The following STYXL1 variants were observed in gnomAD, a reference collection of about 807,000 sequenced individuals.
The protein encoded by STYXL1 is serine/threonine/tyrosine interacting like 1, also known as serine/threonine/tyrosine-interacting-like protein 1.
A neutral mutation model predicts 36.4 loss-of-function variants in STYXL1; 32 were observed. The observed-to-expected ratio is 0.88, with a 90% CI of 0.66 to 1.18. STYXL1 has a LOEUF of 1.18. Ranked by LOEUF, STYXL1 falls within the 50% of genes most tolerant of loss-of-function variation. The pLI, the probability that STYXL1 is intolerant of heterozygous loss-of-function variation, is 0.00. For synonymous variants in STYXL1, 133 were observed against 144.1 expected (o/e 0.92, Z 0.55); for missense variants, 354 against 394.1 (o/e 0.90, Z 0.86).
At chr7:76,039,166 G>A (rs1796238884) in intron 1 of STYXL1, among the ~76,000 whole-genome samples, 1 of 149,196 alleles carries the variant, frequency 6.7e-6, no homozygotes, top group Non-Finnish European at 1.5e-5. Context: ...TCGAACTCCT[G>A]ACCTCGTGAT....
chr7:76,035,707 T>C lies in STYXL1; in HGVS notation c.-4-5180A>G, dbSNP rs2063551156. Among the ~76,000 whole-genome samples the C allele has an allele frequency of 1.3e-5, 2 of 149,650 alleles. 1 individual carries two copies. Among genetic ancestry groups the C allele is most frequent in the South Asian group, 4.4e-4 (2 of 4,540 alleles). ...TTTGTGTCTAGTCCTACAACCTCAT[T>C]AAGCAAAACTAAAAGCTGGCTCCTA... On this transcript the variant is annotated intron_variant, in intron 1 of 8. Coordinates refer to ENST00000359697, the MANE Select transcript of STYXL1 (RefSeq NM_001317785.2).
At position 76,003,819 on chromosome 7, in the gene STYXL1, C is replaced by G. The variant is rs782341983; in HGVS notation, c.636G>C (p.Arg212=). ...TCTGGGCTTCCGGGGAATCTTCTAT[C>G]CGGATGTGCAGAAGCTTGTCAGCAT... ...AGDADKLLHI[R]IEDSPEAQIL... is the part of the protein sequence containing the mutation. The change falls in exon 7 of 9, where the codon CGG becomes CGC. Residue 212 remains arginine, a synonymous_variant. Coordinates refer to ENST00000359697, the MANE Select transcript of STYXL1 (RefSeq NM_001317785.2). 31 of 1,614,088 alleles carry G rather than the reference C, an allele frequency of 1.9e-5. No individual in the cohort carries two copies. Among genetic ancestry groups the G allele is most frequent in the Non-Finnish European group, 2.1e-5 (25 of 1,180,050 alleles).
intron 1 of STYXL1, among the ~76,000 whole-genome samples, chr7:76,043,786 A>G (rs1796707219): frequency 6.6e-6 from 1 of 152,244 alleles, no homozygotes; most frequent in African/African-American, 2.4e-5. Context: ...AGGAAACAAA[A>G]TAAACAGAAG....
chr7:76,032,185 G>A (rs1795420895), intron 1 of STYXL1, among the ~76,000 whole-genome samples: 1 of 151,760 alleles, frequency 6.6e-6, no homozygotes, highest in Admixed American at 6.6e-5. Flanking sequence ...TTGAGGCTGG[G>A]GGTTCAAGAC....
rs541729103 is a variant in STYXL1 at position 76,034,781 on chromosome 7, C to T, written c.-4-4254G>A. On this transcript the variant is annotated intron_variant, in intron 1 of 8. Transcript: ENST00000359697. ...ACCAGTAACAGAAAGTATCTCCAGA[C>T]ATCACTAAGGGTCCCCTGGAAGAAG... is the stretch of plus-strand genomic sequence containing the variant. Among the ~76,000 whole-genome samples, 6 of 152,312 alleles carry T rather than the reference C, an allele frequency of 3.9e-5. No individual in the cohort carries two copies. In the South Asian group the frequency reaches 1.0e-3, roughly 26 times the overall value.
At chr7:76,020,502 T>C (rs1415145624) in intron 4 of STYXL1, among the ~76,000 whole-genome samples, 2 of 152,120 alleles carry the variant, frequency 1.3e-5, no homozygotes, top group African/African-American at 4.8e-5. Flanking sequence ...TGTTCTGACT[T>C]GGGGCTGCAT....
chr7:76,021,789 C>T, intron 4 of STYXL1, 62 bp downstream of exon 4: 1 of 1,259,734 alleles, frequency 7.9e-7, no homozygotes, highest in Non-Finnish European at 1.2e-6. Flanking sequence ...CCTGTTGGTC[C>T]TATAACAAAT....
rs1791560616 is a variant in STYXL1 at position 76,005,538 on chromosome 7, C to T, written c.454-134G>A. 3.7e-6 allele frequency: 3 copies of T among 816,954 alleles called. No individual in the cohort carries two copies. In the South Asian group the frequency reaches 5.8e-5, roughly 16 times the overall value. 50.6% of individuals were successfully genotyped at this position (816,954 alleles called of 1,614,324 possible). On this transcript the variant is annotated intron_variant, in intron 5 of 8. Transcript: ENST00000359697. ...ACAGTGAATGTGACGGAGATCCAGA[C>T]TTTGAAAGAGATTGGCACACGGTAA...
intron 4 of STYXL1, among the ~76,000 whole-genome samples, chr7:76,016,478 T>C (rs1563486356): frequency 6.6e-6 from 1 of 150,890 alleles, no homozygotes; most frequent in Non-Finnish European, 1.5e-5. Flanking sequence ...CGCATATATA[T>C]ACACGTATAT....
intron 4 of STYXL1, among the ~76,000 whole-genome samples, chr7:76,017,089 T>G (rs1344876376): frequency 6.6e-6 from 1 of 152,158 alleles, no homozygotes; most frequent in Non-Finnish European, 1.5e-5. Context: ...TGGCACGATC[T>G]CGGCGCACTG....
At chr7:76,006,763 C>CAA (rs67192620) in intron 5 of STYXL1, among the ~76,000 whole-genome samples, 2 of 130,028 alleles carry the variant, frequency 1.5e-5, no homozygotes, top group African/African-American at 5.7e-5. Context: ...GACTCCGTCT[C>CAA]AAAAAAAAAA....
intron 1 of STYXL1, among the ~76,000 whole-genome samples, chr7:76,034,886 C>A (rs1795764985): frequency 6.6e-6 from 1 of 152,246 alleles, no homozygotes; most frequent in African/African-American, 2.4e-5. Context: ...CTGAATACCA[C>A]ACACATACCA....
chr7:76,021,297 G>T (rs919550342), intron 4 of STYXL1, among the ~76,000 whole-genome samples: 9 of 152,102 alleles, frequency 5.9e-5, no homozygotes, highest in Middle Eastern at 3.4e-3. Context: ...TAGCCAAGAT[G>T]GTCTCAATCT....
At chr7:76,034,531 G>T (rs1316967426) in intron 1 of STYXL1, among the ~76,000 whole-genome samples, 1 of 152,152 alleles carries the variant, frequency 6.6e-6, no homozygotes, top group African/African-American at 2.4e-5. Flanking sequence ...CTTGCAGACT[G>T]TTCCTCTCCA....
intron 1 of STYXL1, among the ~76,000 whole-genome samples, chr7:76,046,250 T>G (rs1360088168): frequency 4.0e-5 from 6 of 150,166 alleles, no homozygotes; most frequent in Admixed American, 1.3e-4. Flanking sequence ...ACACCTACTC[T>G]TCCAGCATGT....
chr7:75,997,615 GA>G lies in STYXL1; in HGVS notation c.811-1017del, dbSNP rs559756783. Among the ~76,000 whole-genome samples, 359 of 152,248 alleles carry G rather than the reference GA, an allele frequency of 2.4e-3. 5 individuals carry two copies. The highest frequency in any genetic ancestry group is 3.4e-3 in the Middle Eastern group (1 of 294). The stretch of plus-strand genomic sequence containing the variant: ...TCCTAGAAGTCCTAGCCAGAACAAT[GA>G]GGCAAGAAAAAGAAATAAAAGGCAT... On this transcript the variant is annotated intron_variant, in intron 8 of 8. Transcript: ENST00000359697.
chr7:76,038,899 A>C (rs1391526762), intron 1 of STYXL1, among the ~76,000 whole-genome samples: 5 of 142,056 alleles, frequency 3.5e-5, no homozygotes, highest in East Asian at 2.1e-4. Flanking sequence ...TGAGCCTCCC[A>C]CCTCAGCCTT....
chr7:76,016,482 C>T (rs554933966), intron 4 of STYXL1, among the ~76,000 whole-genome samples: 14 of 150,584 alleles, frequency 9.3e-5, no homozygotes, highest in South Asian at 4.2e-4. Context: ...TATATATACA[C>T]GTATATATAT....
At chr7:76,000,558 C>T (rs782740146) in intron 8 of STYXL1, 5 of 480,944 alleles carry the variant, frequency 1.0e-5, no homozygotes, top group African/African-American at 2.0e-5. Flanking sequence ...AGTGGGTGGG[C>T]GCCTGTGCTG....
Sources: allele counts gnomAD v4.1 joint callset (sites outside exome capture counted in the v4.1 genomes callset), GRCh38; gene constraint gnomAD v4.1.1; transcripts MANE v1.5; gene names NCBI Gene and HGNC (gene_info 2026-07-23, HGNC 2026-07-21).